The following CDH8 variants were observed in gnomAD, a reference collection of about 807,000 sequenced individuals.
CDH8 encodes the protein cadherin 8.
A neutral mutation model predicts 68.1 loss-of-function variants in CDH8; 17 were observed. That is an observed-to-expected ratio of 0.25 (90% CI 0.17 to 0.37). CDH8 has a LOEUF of 0.37. Ranked by LOEUF, CDH8 falls within the 10% of genes least tolerant of loss-of-function variation. CDH8 has a pLI of 1.00. For synonymous variants in CDH8, 372 were observed against 365.1 expected, an observed-to-expected ratio of 1.02 and a Z score of -0.21; for missense variants, 763 against 999.3, an observed-to-expected ratio of 0.76 and a Z score of 3.19.
rs937939535 is a variant in CDH8, at chr16:61,750,689, C to A, written c.1415-23474G>T. 2.0e-5 allele frequency among the ~76,000 whole-genome samples: 3 copies of A among 152,108 alleles called. No individual in the cohort carries two copies. In the East Asian group the frequency reaches 5.8e-4, roughly 29 times the overall value. ...GTGATGTCACTCCCAGGATTCTCTA[C>A]AAAAAATAAAACCCTCAAATAAAAA... On this transcript the variant is annotated intron_variant, in intron 8 of 11. Coordinates refer to ENST00000577390, the MANE Select transcript of CDH8 (RefSeq NM_001796.5).
intron 10 of CDH8, among the ~76,000 whole-genome samples, chr16:61,666,715 A>C (rs1963686383): frequency 6.6e-6 from 1 of 152,044 alleles, no homozygotes; most frequent in South Asian, 2.1e-4. Context: ...TGAAATAAAA[A>C]TGATAAGAAG....
intron 3 of CDH8, among the ~76,000 whole-genome samples, chr16:61,891,464 C>T (rs1196710954): frequency 2.0e-5 from 3 of 152,104 alleles, no homozygotes; most frequent in Non-Finnish European, 4.4e-5. Context: ...CCAATTTCCC[C>T]GTTTGGATAA....
At chr16:61,949,987 T>TTA (rs1964864619) in intron 2 of CDH8, among the ~76,000 whole-genome samples, 1 of 143,884 alleles carries the variant, frequency 7.0e-6, no homozygotes, top group Non-Finnish European at 1.5e-5. Context: ...GACCCTGTCT[T>TTA]AAAAAAAAAA....
At chr16:61,688,252 C>G (rs1964146527) in intron 10 of CDH8, among the ~76,000 whole-genome samples, 1 of 151,998 alleles carries the variant, frequency 6.6e-6, no homozygotes, top group African/African-American at 2.4e-5. Flanking sequence ...AATTTACATT[C>G]TGTTATTTCA....
chr16:61,757,458 A>G (rs1567456290), intron 8 of CDH8, among the ~76,000 whole-genome samples: 1 of 152,272 alleles, frequency 6.6e-6, no homozygotes, highest in East Asian at 1.9e-4. Flanking sequence ...ATATTTTGTA[A>G]CTTAATGCTT....
At chr16:61,857,071 C>T in intron 4 of CDH8, 48 bp downstream of exon 4, 1 of 1,608,550 alleles carries the variant, frequency 6.2e-7, no homozygotes, top group Non-Finnish European at 8.5e-7. Flanking sequence ...AAAGCATTTC[C>T]CTGAAGCAAA....
chr16:61,754,743 A>C (rs1253660199), intron 8 of CDH8, among the ~76,000 whole-genome samples: 6 of 152,138 alleles, frequency 3.9e-5, no homozygotes, highest in Admixed American at 6.6e-5. Context: ...ACCTATTTCT[A>C]TCTAACTGCA....
At chr16:61,773,587 T>C (rs1960833895) in intron 8 of CDH8, among the ~76,000 whole-genome samples, 1 of 152,012 alleles carries the variant, frequency 6.6e-6, no homozygotes, top group Non-Finnish European at 1.5e-5. Context: ...TGGCAGTGGT[T>C]CCACATCTCT....
chr16:62,020,148 A>G (rs941150967), intron 2 of CDH8, among the ~76,000 whole-genome samples: 1 of 152,202 alleles, frequency 6.6e-6, no homozygotes, highest in African/African-American at 2.4e-5. Context: ...TTCCCAGTGA[A>G]ACACAAAGAG....
intron 8 of CDH8, among the ~76,000 whole-genome samples, chr16:61,772,646 C>G (rs941479339): frequency 6.6e-6 from 1 of 152,018 alleles, no homozygotes; most frequent in Non-Finnish European, 1.5e-5. Context: ...TTAGTTTTAA[C>G]CAGATGCCAA....
At chr16:61,958,661 T>A (rs1965025889) in intron 2 of CDH8, among the ~76,000 whole-genome samples, 1 of 152,164 alleles carries the variant, frequency 6.6e-6, no homozygotes, top group Middle Eastern at 3.2e-3. Context: ...TTGATCATAA[T>A]CTTCAGAATT....
At chr16:61,846,137 C>G (rs1303805386) in intron 4 of CDH8, among the ~76,000 whole-genome samples, 2 of 152,064 alleles carry the variant, frequency 1.3e-5, no homozygotes, top group Non-Finnish European at 2.9e-5. Flanking sequence ...CCTGAATCAT[C>G]CATATCCAGA....
chr16:61,653,440 T>G lies in CDH8; in HGVS notation c.*168A>C, dbSNP rs1963368772. 7.1e-7 allele frequency: 1 copy of G among 1,415,414 alleles called. No individual in the cohort carries two copies. The allele number at this position is 1,415,414 out of a possible 1,614,324, so 87.7% of individuals were successfully genotyped here. The stretch of plus-strand genomic sequence containing the variant: ...TTTATAACCTCCTAACATATACTTT[T>G]TTATTTTATTATCTTTTTTTGGTTC... On this transcript the variant is annotated 3_prime_UTR_variant, in exon 12 of 12. Transcript: ENST00000577390.
chr16:61,711,806 T>C (rs1323452431), intron 10 of CDH8, among the ~76,000 whole-genome samples: 3 of 151,746 alleles, frequency 2.0e-5, no homozygotes, highest in Non-Finnish European at 4.4e-5. Flanking sequence ...TCCTGGTTTA[T>C]GGTGTTTTTC....
rs757443187 is a variant in CDH8, at chr16:62,021,284, A to C, written c.120T>G (p.Ser40Arg). ...GACTGTTTAGTTCCAAAGGGGATCC[A>C]CTCATTAAAACTTGAGACTGATTCA... ...APMNQSQVLM[S>R]GSPLELNSLG... is the part of the protein sequence containing the mutation. The change falls in exon 2 of 12, where the codon AGT becomes AGG. Residue 40 changes from serine to arginine, a missense_variant. By Grantham distance (110) the Ser-to-Arg change is moderately radical. Transcript: ENST00000577390. 5 of 1,613,852 alleles carry C rather than the reference A, an allele frequency of 3.1e-6. No individual in the cohort carries two copies. Among genetic ancestry groups the C allele is most frequent in the Non-Finnish European group, 4.2e-6 (5 of 1,179,920 alleles).
chr16:61,668,705 G>A (rs988726335), intron 10 of CDH8, among the ~76,000 whole-genome samples: 2 of 150,550 alleles, frequency 1.3e-5, no homozygotes, highest in Non-Finnish European at 3.0e-5. Context: ...GGCCTTTAGT[G>A]GAATTTCTTG....
Position 61,650,664 on chromosome 16 carries a change from T to G in CDH8, c.*2944A>C, listed in dbSNP as rs563065261. 1.3e-5 allele frequency: 2 copies of G among 148,456 alleles called. No individual in the cohort carries two copies. Among genetic ancestry groups the G allele is most frequent in the Admixed American group, 1.3e-4 (2 of 14,828 alleles). The allele number at this position is 148,456 out of a possible 1,614,324, so 9.2% of individuals were successfully genotyped here. ...TCAAGTCAAAATGTGTGTTTTTTAT[T>G]TGTTTGTTGTGTGTGTGTGTGTGTG... On this transcript the variant is annotated 3_prime_UTR_variant, in exon 12 of 12. Transcript: ENST00000577390.
intron 10 of CDH8, among the ~76,000 whole-genome samples, chr16:61,658,624 T>C (rs1963497756): frequency 6.6e-6 from 1 of 152,094 alleles, no homozygotes; most frequent in African/African-American, 2.4e-5. Context: ...AATACCCTGT[T>C]TCTTATGTAT....
chr16:61,875,200 A>G (rs983116629), intron 3 of CDH8, among the ~76,000 whole-genome samples: 1 of 151,974 alleles, frequency 6.6e-6, no homozygotes, highest in African/African-American at 2.4e-5. Context: ...TTTTTCACAT[A>G]AAATAGCTTG....
Sources: allele counts gnomAD v4.1 joint callset (sites outside exome capture counted in the v4.1 genomes callset), GRCh38; gene constraint gnomAD v4.1.1; transcripts MANE v1.5; gene names NCBI Gene and HGNC (gene_info 2026-07-23, HGNC 2026-07-21).